The following MYBPC1 variants were observed in gnomAD, a reference collection of about 807,000 sequenced individuals.
The protein encoded by MYBPC1 is myosin-binding protein C, slow-type.
A neutral mutation model predicts 147.1 loss-of-function variants in MYBPC1; 52 were observed. The ratio of observed to expected loss-of-function variants is 0.35; its 90% confidence interval spans 0.28 to 0.45. The LOEUF (loss-of-function observed/expected upper bound fraction) is 0.45, where lower values mean the gene tolerates loss of function less well. MYBPC1 is among the 20% of genes least tolerant of loss of function. The probability of loss-of-function intolerance (pLI) is 1.00; values close to 1 mark genes in which losing one functional copy is unlikely to be tolerated. For synonymous variants in MYBPC1, 477 were observed against 475.9 expected, an observed-to-expected ratio of 1.00 and a Z score of -0.03; for missense variants, 1,228 against 1,440.3, an observed-to-expected ratio of 0.85 and a Z score of 2.39.
rs528043161 is a variant in MYBPC1, at chr12:101,644,016, G to A, written c.833-648G>A. Reference sequence around the variant, plus strand: ...GACACTAACAGTAATTCTGCTGGAAGAATAAGCATGTTCTTTTATTTTTAT... The same window carrying A: ...GACACTAACAGTAATTCTGCTGGAAAAATAAGCATGTTCTTTTATTTTTAT... On this transcript the variant is annotated intron_variant, in intron 11 of 31. Transcript: ENST00000361466. Among the ~76,000 whole-genome samples, 4 of 152,234 alleles carry A rather than the reference G, an allele frequency of 2.6e-5. No homozygotes were observed. The East Asian group carries it at 7.7e-4, about 29-fold the overall frequency.
intron 24 of MYBPC1, among the ~76,000 whole-genome samples, chr12:101,672,605 T>C (rs907253013): frequency 6.6e-6 from 1 of 152,304 alleles, no homozygotes; most frequent in African/African-American, 2.4e-5. Context: ...CCCAGCACTT[T>C]GGAAGGCTGA....
intron 2 of MYBPC1, chr12:101,614,752 T>C: frequency 1.7e-6 from 1 of 596,274 alleles, no homozygotes; most frequent in Non-Finnish European, 3.0e-6. Context: ...ACTTCATATA[T>C]ATTAGGGGGA....
chr12:101,646,972 G>C, intron 13 of MYBPC1, 85 bp downstream of exon 13: 1 of 1,534,892 alleles, frequency 6.5e-7, no homozygotes, highest in East Asian at 2.3e-5. Context: ...AGTAACTGAG[G>C]CTCCTCTACA....
At chr12:101,643,175 G>T (rs150610462) in intron 11 of MYBPC1, among the ~76,000 whole-genome samples, 1 of 152,098 alleles carries the variant, frequency 6.6e-6, no homozygotes, top group African/African-American at 2.4e-5. Context: ...CATCAGGTTA[G>T]TAATATATCA....
At chr12:101,680,006 G>A (rs1950832379) in intron 28 of MYBPC1, among the ~76,000 whole-genome samples, 1 of 152,178 alleles carries the variant, frequency 6.6e-6, no homozygotes, top group Non-Finnish European at 1.5e-5. Context: ...CATCAGTACC[G>A]ATGCTGTACA....
Position 101,670,123 on chromosome 12 carries a change from CCACACACACACACACA to C in MYBPC1, c.2525-181_2525-166del, listed in dbSNP as rs58177042. Among the ~76,000 whole-genome samples, 38 of 146,310 alleles carry C rather than the reference CCACACACACACACACA, an allele frequency of 2.6e-4. 1 individual carries two copies. In the East Asian group the frequency reaches 2.6e-3, roughly 10 times the overall value. On this transcript the variant is annotated intron_variant, in intron 23 of 31. Coordinates refer to ENST00000361466, the MANE Select transcript of MYBPC1 (RefSeq NM_002465.4). ...CTGTTAAAACATCTCTGTGTGGAAA[CCACACACACACACACA>C]CACACACACACACACATTTTGAACC... is the stretch of plus-strand genomic sequence containing the variant.
At chr12:101,597,716 G>T (rs1438733115) in intron 1 of MYBPC1, among the ~76,000 whole-genome samples, 1 of 152,148 alleles carries the variant, frequency 6.6e-6, no homozygotes, top group Non-Finnish European at 1.5e-5. Context: ...ACTTCCCATT[G>T]TTCTACTTTC....
intron 15 of MYBPC1, among the ~76,000 whole-genome samples, chr12:101,650,224 T>C (rs1376010380): frequency 6.6e-6 from 1 of 152,172 alleles, no homozygotes; most frequent in Admixed American, 6.5e-5. Context: ...TAAAAATAAT[T>C]ATGCTATGCA....
rs1893610072 is a variant in MYBPC1, at chr12:101,648,109, A to G, written c.1155A>G (p.Glu385=). The G allele has an allele frequency of 6.2e-7, 1 of 1,612,838 alleles. No individual in the cohort carries two copies. Among genetic ancestry groups the G allele is most frequent in the African/African-American group, 1.3e-5 (1 of 74,904 alleles). ...CTGCTTATTGTGGGGAGAGAGTGGA[A>G]TTAGAATGTGAGGTGTCTGAAGATG... ...DTTAYCGERV[E]LECEVSEDDA... Residue 385 remains glutamate, a synonymous_variant, in exon 14 of 32, where the codon GAA becomes GAG. Coordinates refer to ENST00000361466, the MANE Select transcript of MYBPC1 (RefSeq NM_002465.4).
chr12:101,657,284 T>G (rs1469345398), intron 18 of MYBPC1, among the ~76,000 whole-genome samples: 1 of 152,076 alleles, frequency 6.6e-6, no homozygotes, highest in East Asian at 1.9e-4. Context: ...GTAATCAAAG[T>G]TTACGTGTTA....
chr12:101,659,483 G>C (rs1896151815), intron 18 of MYBPC1, among the ~76,000 whole-genome samples, 189 bp from the exon 19 acceptor site: 1 of 152,018 alleles, frequency 6.6e-6, no homozygotes, highest in African/African-American at 2.4e-5. Context: ...AGTTGGGGGA[G>C]AATTAAACTG....
At chr12:101,666,836 A>T in intron 22 of MYBPC1, 3 of 1,574,054 alleles carry the variant, frequency 1.9e-6, no homozygotes, top group Non-Finnish European at 2.6e-6. Context: ...TTCTTACTAT[A>T]TTATAATGTT....
chr12:101,633,618 C>T (rs539928006), intron 8 of MYBPC1, among the ~76,000 whole-genome samples: 61 of 150,596 alleles, frequency 4.1e-4, no homozygotes, highest in African/African-American at 1.4e-3. Context: ...ACCGGGGAGG[C>T]GGAGGTTGCA....
chr12:101,653,890 A>C (rs2136328756), intron 18 of MYBPC1, among the ~76,000 whole-genome samples: 1 of 54,598 alleles, frequency 1.8e-5, no homozygotes, highest in African/African-American at 4.2e-5. Context: ...AAAAGCAAAA[A>C]AAGAAAAATT....
intron 1 of MYBPC1, among the ~76,000 whole-genome samples, chr12:101,600,156 G>A (rs992960837): frequency 6.6e-6 from 1 of 152,194 alleles, no homozygotes; most frequent in African/African-American, 2.4e-5. Context: ...TCAGGAGTAA[G>A]GGAGACTGTG....
intron 24 of MYBPC1, among the ~76,000 whole-genome samples, chr12:101,671,835 C>A (rs1898805754): frequency 6.6e-6 from 1 of 152,142 alleles, no homozygotes; most frequent in Non-Finnish European, 1.5e-5. Flanking sequence ...CTGTTCAGCC[C>A]CCAGGAAGGG....
intron 21 of MYBPC1, among the ~76,000 whole-genome samples, chr12:101,662,958 G>T (rs993464397): frequency 6.6e-6 from 1 of 151,862 alleles, no homozygotes; most frequent in Non-Finnish European, 1.5e-5. Context: ...TTGGAAACTG[G>T]TTTCTTTGCT....
Position 101,632,209 on chromosome 12 carries a change from T to G in MYBPC1, c.556+71T>G, listed in dbSNP as rs1001097253. ...TGTGAGGGGATGGAGAAGAAGTAGT[T>G]CATTTAATACTATGAGATTTCAGAG... On this transcript the variant is annotated intron_variant, in intron 8 of 31. Coordinates refer to ENST00000361466, the MANE Select transcript of MYBPC1 (RefSeq NM_002465.4). 4.8e-6 allele frequency: 5 copies of G among 1,034,456 alleles called. No homozygotes were observed. The African/African-American group carries it at 7.9e-5, about 16-fold the overall frequency. The allele number at this position is 1,034,456 out of a possible 1,614,324, so 64.1% of individuals were successfully genotyped here.
Position 101,662,653 on chromosome 12 carries a change from T to C in MYBPC1, c.2221+107T>C. On this transcript the variant is annotated intron_variant, in intron 21 of 31. Coordinates refer to ENST00000361466, the MANE Select transcript of MYBPC1 (RefSeq NM_002465.4). ...CAGGCCTGGACACTTCTTAGAGTTG[T>C]AGGTGGGCAGGAGCTTGAAACAGTT... 3 of 1,274,084 alleles carry C rather than the reference T, an allele frequency of 2.4e-6. No individual in the cohort carries two copies. The East Asian group carries it at 6.9e-5, about 29-fold the overall frequency. 78.9% of individuals were successfully genotyped at this position (1,274,084 alleles called of 1,614,324 possible). A position where few individuals can be genotyped will look rare whatever the true frequency, so the allele number is the denominator to read the frequency against.
Sources: gnomAD v4.1 joint callset for allele counts (sites outside exome capture counted in the v4.1 genomes callset) on GRCh38, gnomAD v4.1.1 for gene constraint, MANE v1.5 for transcripts, NCBI Gene and HGNC (gene_info 2026-07-23, HGNC 2026-07-21) for gene names.